Variants in SPATA16 observed in about 807,000 individuals in gnomAD.
SPATA16 encodes spermatogenesis-associated protein 16.
SPATA16 carries 36 observed loss-of-function variants against 63.3 expected under a neutral mutation model. The observed-to-expected ratio is 0.57, with a 90% CI of 0.44 to 0.75. The LOEUF (loss-of-function observed/expected upper bound fraction) is 0.75. SPATA16 is among the 30% of genes least tolerant of loss of function. The pLI, the probability that SPATA16 is intolerant of heterozygous loss-of-function variation, is 0.00. For synonymous variants in SPATA16, 203 were observed against 216.7 expected (o/e 0.94, Z 0.56); for missense variants, 646 against 679.3 (o/e 0.95, Z 0.54).
intron 6 of SPATA16, among the ~76,000 whole-genome samples, chr3:172,934,122 T>C (rs1732929691): frequency 6.6e-6 from 1 of 152,120 alleles, no homozygotes; most frequent in Non-Finnish European, 1.5e-5. Flanking sequence ...ACCTAAATTA[T>C]AATTATTATT....
intron 3 of SPATA16, among the ~76,000 whole-genome samples, chr3:173,023,143 G>A (rs537892): frequency 9.3e-6 from 1 of 107,698 alleles, no homozygotes; most frequent in Non-Finnish European, 1.9e-5. Flanking sequence ...GTGTATGTGT[G>A]TGTGTGTGTG....
intron 10 of SPATA16, among the ~76,000 whole-genome samples, chr3:172,894,093 A>G (rs1731953411): frequency 6.6e-6 from 1 of 152,140 alleles, no homozygotes. Context: ...AGCAGTTTGG[A>G]CCAAAATCCT....
At chr3:173,028,013 C>CCTTCCTT (rs1735498225) in intron 3 of SPATA16, among the ~76,000 whole-genome samples, 1 of 35,070 alleles carries the variant, frequency 2.9e-5, no homozygotes, top group African/African-American at 2.1e-4. Flanking sequence ...CTCCCTCCCT[C>CCTTCCTT]CCTTCCTTCT....
At chr3:172,954,132 T>G (rs1457736248) in intron 6 of SPATA16, among the ~76,000 whole-genome samples, 1 of 152,190 alleles carries the variant, frequency 6.6e-6, no homozygotes, top group Non-Finnish European at 1.5e-5. Context: ...ACGGTGCTAA[T>G]AAAGACATAC....
chr3:173,131,561 GC>G (rs1408429923), intron 1 of SPATA16, among the ~76,000 whole-genome samples: 5 of 152,156 alleles, frequency 3.3e-5, no homozygotes, highest in Non-Finnish European at 5.9e-5. Context: ...CAAACACAGA[GC>G]TCTTTTACCA....
At chr3:173,070,386 C>A (rs1486769855) in intron 2 of SPATA16, among the ~76,000 whole-genome samples, 3 of 137,096 alleles carry the variant, frequency 2.2e-5, no homozygotes, top group African/African-American at 8.6e-5. Context: ...CAGAACAAGA[C>A]TCTGTCTCAA....
chr3:173,105,739 AT>A (rs1237729250), intron 2 of SPATA16, among the ~76,000 whole-genome samples: 1 of 151,116 alleles, frequency 6.6e-6, no homozygotes, highest in Non-Finnish European at 1.5e-5. Flanking sequence ...AACTCTGCAA[AT>A]TTTCCTTCCT....
chr3:172,968,118 G>A (rs556335882), intron 5 of SPATA16, among the ~76,000 whole-genome samples: 1 of 152,166 alleles, frequency 6.6e-6, no homozygotes, highest in Non-Finnish European at 1.5e-5. Context: ...GAGAAGCGGG[G>A]ACTGTATCAG....
intron 10 of SPATA16, among the ~76,000 whole-genome samples, chr3:172,905,895 T>C (rs1732222529): frequency 6.6e-6 from 1 of 152,230 alleles, no homozygotes; most frequent in Non-Finnish European, 1.5e-5. Context: ...GGAGCACTTT[T>C]CTCATTACTT....
In SPATA16 at chr3:172,931,562, T is replaced by C. The variant is rs369210730; in HGVS notation, c.1082-6070A>G. On this transcript the variant is annotated intron_variant, in intron 6 of 10. Transcript: ENST00000351008. ...TGTGCCTGGCCACATCTTTAAATTATCTTCATGCCTCAAGCACCTAGCAGA... is the reference window on the plus strand; with the variant it reads ...TGTGCCTGGCCACATCTTTAAATTACCTTCATGCCTCAAGCACCTAGCAGA... Among the ~76,000 whole-genome samples the C allele has an allele frequency of 5.9e-5, 9 of 152,314 alleles. 1 individual carries two copies. Among genetic ancestry groups the C allele is most frequent in the Admixed American group, 1.3e-4 (2 of 15,308 alleles).
At chr3:173,024,795 T>C (rs1466860560) in intron 3 of SPATA16, among the ~76,000 whole-genome samples, 2 of 150,840 alleles carry the variant, frequency 1.3e-5, no homozygotes, top group East Asian at 2.0e-4. Context: ...TTTATACTTA[T>C]TAATCAATAT....
chr3:173,068,246 G>C (rs1736571166), intron 2 of SPATA16, among the ~76,000 whole-genome samples: 2 of 152,280 alleles, frequency 1.3e-5, no homozygotes, highest in African/African-American at 4.8e-5. Context: ...TTAGTAGGAA[G>C]ACTAAAAGAC....
chr3:172,952,577 TCA>T (rs1733463056), intron 6 of SPATA16, among the ~76,000 whole-genome samples: 2 of 152,148 alleles, frequency 1.3e-5, no homozygotes, highest in Non-Finnish European at 1.5e-5. Flanking sequence ...TGACCATTAC[TCA>T]GTCAGAAATC....
chr3:172,900,568 T>C (rs545072602), intron 10 of SPATA16, among the ~76,000 whole-genome samples: 5 of 152,232 alleles, frequency 3.3e-5, no homozygotes, highest in African/African-American at 7.2e-5. Context: ...ATTACAGTCT[T>C]ACAGATCCCA....
At chr3:172,998,178 A>T (rs544253747) in intron 4 of SPATA16, among the ~76,000 whole-genome samples, 1 of 152,198 alleles carries the variant, frequency 6.6e-6, no homozygotes, top group South Asian at 2.1e-4. Flanking sequence ...AACATGGAGT[A>T]CCTCTCATTT....
At chr3:172,997,243 T>C (rs993511394) in intron 4 of SPATA16, among the ~76,000 whole-genome samples, 1 of 151,988 alleles carries the variant, frequency 6.6e-6, no homozygotes, top group Non-Finnish European at 1.5e-5. Context: ...GGCTGTACCA[T>C]TTTGCATTCC....
chr3:172,939,092 C>G (rs1733083169), intron 6 of SPATA16, among the ~76,000 whole-genome samples: 1 of 152,122 alleles, frequency 6.6e-6, no homozygotes, highest in Non-Finnish European at 1.5e-5. Context: ...ATATCCTGCC[C>G]TTTTAGGCCA....
intron 1 of SPATA16, among the ~76,000 whole-genome samples, chr3:173,133,399 G>T (rs551033348): frequency 6.6e-6 from 1 of 152,152 alleles, no homozygotes; most frequent in Non-Finnish European, 1.5e-5. Context: ...GTGGTGGCCC[G>T]CACAGTCAGT....
At chr3:172,929,666 T>C (rs184208329) in intron 6 of SPATA16, among the ~76,000 whole-genome samples, 1 of 152,252 alleles carries the variant, frequency 6.6e-6, no homozygotes, top group Admixed American at 6.5e-5. Flanking sequence ...TCTTCATACA[T>C]ACACCCTTGG....
Sources: gnomAD v4.1 joint callset for allele counts (sites outside exome capture counted in the v4.1 genomes callset) on GRCh38, gnomAD v4.1.1 for gene constraint, MANE v1.5 for transcripts, NCBI Gene and HGNC (gene_info 2026-07-23, HGNC 2026-07-21) for gene names.